RIPPLY2: variants seen among roughly 807,000 people sequenced by gnomAD.
RIPPLY2 encodes the protein protein ripply2.
In RIPPLY2, 20 loss-of-function variants were observed where a neutral mutation model predicts 17.7. That is an observed-to-expected ratio of 1.13 (90% confidence interval 0.79 to 1.64). The LOEUF is 1.64. Among genes scored for constraint, RIPPLY2 ranks in the 40% most tolerant of loss-of-function variants. RIPPLY2 has a pLI of 0.00. For synonymous variants in RIPPLY2, 69 were observed against 63.9 expected, an observed-to-expected ratio of 1.08 and a Z score of -0.38; for missense variants, 213 against 169.8, an observed-to-expected ratio of 1.25 and a Z score of -1.41.
intron 1 of RIPPLY2, 87 bp downstream of exon 1, chr6:83,853,598 A>G: frequency 6.5e-7 from 1 of 1,545,306 alleles, no homozygotes; most frequent in Non-Finnish European, 8.7e-7. Flanking sequence ...CCAACTCTCC[A>G]TCCCCCACTG....
chr6:83,853,573 C>CCCAGCTCCTCCCCTCCAACTCT (rs1403423828), intron 1 of RIPPLY2, 62 bp downstream of exon 1: 2 of 1,531,596 alleles, frequency 1.3e-6, no homozygotes, highest in African/African-American at 2.8e-5. Context: ...CCTGCGCCTC[C>CCCAGCTCCTCCCCTCCAACTCT]CCAGCTCCTC....
intron 3 of RIPPLY2, chr6:83,856,704 T>C (rs1054868960): frequency 6.6e-6 from 1 of 152,164 alleles, no homozygotes; most frequent in African/African-American, 2.4e-5. Flanking sequence ...AATTTTAAAA[T>C]ACTGGTTTTT....
chr6:83,857,321 G>A lies in RIPPLY2; in HGVS notation c.319G>A (p.Ala107Thr), dbSNP rs1468771519. 4.4e-6 allele frequency: 7 copies of A among 1,581,296 alleles called. No individual in the cohort carries two copies. The highest frequency in any genetic ancestry group is 3.8e-5 in the Admixed American group (2 of 52,416). ...TCTTCTGAAAAATTTTCCAATTCAAGCCACAATTTCATTTTATGAAGATTC... is the reference window on the plus strand; with the variant it reads ...TCTTCTGAAAAATTTTCCAATTCAAACCACAATTTCATTTTATGAAGATTC... ...EALLKNFPIQ[A>T]TISFYEDSDS... Residue 107 changes from alanine (A) to threonine (T), a missense_variant, in exon 4 of 4, where the codon GCC (alanine) becomes ACC (threonine). Transcript: ENST00000369689.
At chr6:83,854,043 C>T in intron 2 of RIPPLY2, 54 bp from the exon 3 acceptor site, 2 of 1,526,528 alleles carry the variant, frequency 1.3e-6, no homozygotes, top group Non-Finnish European at 1.8e-6. Flanking sequence ...GTGCACGTTT[C>T]CACTTTCTAG....
At chr6:83,853,643 C>T (rs952061195) in intron 1 of RIPPLY2, 52 bp from the exon 2 acceptor site, 9 of 1,584,610 alleles carry the variant, frequency 5.7e-6, no homozygotes, top group African/African-American at 5.4e-5. Flanking sequence ...TGGATTCTCC[C>T]GGGTCTGGGC....
At chr6:83,853,323 CGAGGGCTAT>C, upstream of RIPPLY2, 1 of 970,758 alleles carries the variant, frequency 1.0e-6, no homozygotes, top group Non-Finnish European at 1.5e-6. Flanking sequence ...CAGCAGGCCG[CGAGGGCTAT>C]ATAAAGCTCG....
Position 83,853,740 on chromosome 6 carries a change from A to G in RIPPLY2, c.141A>G (p.Lys47=), listed in dbSNP as rs1007595079. 10 of 1,613,510 alleles carry G rather than the reference A, an allele frequency of 6.2e-6. No individual in the cohort carries two copies. Among genetic ancestry groups the G allele is most frequent in the Non-Finnish European group, 8.5e-6 (10 of 1,179,928 alleles). Residue 47 remains lysine, a synonymous_variant, in exon 2 of 4, where the codon AAA becomes AAG. Transcript: ENST00000369689. ...WRPWVDAGGK[K]EEETPNHAAE... ...CCTGGGTGGACGCCGGAGGCAAGAA[A>G]GAAGAGGAGACGCCGAACCACGCCG...
Position 83,853,525 on chromosome 6 carries a change from C to T in RIPPLY2, c.95+14C>T. ...CGCGGACTCCGGGTAGGCTTCCCCG[C>T]GCTGCTCTGCGCCTCCCAGCTTCCC... On this transcript the variant is annotated intron_variant, in intron 1 of 3. Transcript: ENST00000369689. The T allele has an allele frequency of 6.5e-7, 1 of 1,534,552 alleles. No individual in the cohort carries two copies. Among genetic ancestry groups the T allele is most frequent in the Non-Finnish European group, 8.7e-7 (1 of 1,144,638 alleles).
At chr6:83,854,718 T>C (rs2099454741) in intron 3 of RIPPLY2, 1 of 153,642 alleles carries the variant, frequency 6.5e-6, no homozygotes, top group Non-Finnish European at 1.4e-5. Context: ...TTATCTAAGA[T>C]TCTGTGTCAC....
intron 3 of RIPPLY2, 114 bp from the exon 4 acceptor site, chr6:83,857,128 T>C: frequency 1.7e-6 from 1 of 600,574 alleles, no homozygotes; most frequent in Non-Finnish European, 2.7e-6. Context: ...CTTAAGGCTA[T>C]ATCCAAATGT....
In RIPPLY2 at chr6:83,857,229, C is replaced by G. The variant is rs1197999590; in HGVS notation, c.240-13C>G. ...AATGTGAAAAAATAAAACATGTTGT[C>G]TGCTTCTTTCAGACTATTTTGGCCA... On this transcript the variant is annotated splice_polypyrimidine_tract_variant and intron_variant, in intron 3 of 3. Coordinates refer to ENST00000369689, the MANE Select transcript of RIPPLY2 (RefSeq NM_001009994.3). 6.8e-7 allele frequency: 1 copy of G among 1,462,286 alleles called. No individual in the cohort carries two copies. Among genetic ancestry groups the G allele is most frequent in the Non-Finnish European group, 9.1e-7 (1 of 1,103,108 alleles). 90.6% of individuals were successfully genotyped at this position (1,462,286 alleles called of 1,614,324 possible). A position where few individuals can be genotyped will look rare whatever the true frequency, so the allele number is the denominator to read the frequency against.
chr6:83,855,087 G>T (rs967582502), intron 3 of RIPPLY2: 1 of 152,332 alleles, frequency 6.6e-6, no homozygotes, highest in Admixed American at 6.5e-5. Flanking sequence ...GGGAGCAAAA[G>T]AAATAGCATT....
Position 83,857,474 on chromosome 6 carries a change from T to A in RIPPLY2, c.*85T>A. 4 of 779,202 alleles carry A rather than the reference T, an allele frequency of 5.1e-6. No homozygotes were observed. The highest frequency in any genetic ancestry group is 7.3e-6 in the Non-Finnish European group (4 of 551,714). The allele number at this position is 779,202 out of a possible 1,614,324, so 48.3% of individuals were successfully genotyped here. On this transcript the variant is annotated 3_prime_UTR_variant, in exon 4 of 4. Coordinates refer to ENST00000369689, the MANE Select transcript of RIPPLY2 (RefSeq NM_001009994.3). ...TGTATCATAATTATTTTAAACTAAT[T>A]TATTTGTATATAAATTATTAATAAA...
chr6:83,853,577 G>A, intron 1 of RIPPLY2, 66 bp downstream of exon 1: 3 of 1,533,124 alleles, frequency 2.0e-6, no homozygotes, highest in Non-Finnish European at 2.6e-6. Flanking sequence ...CGCCTCCCCA[G>A]CTCCTCCCCT....
rs370933531 is a variant in RIPPLY2 at position 83,857,238 on chromosome 6, T to G, written c.240-4T>G. 1,639 of 1,483,028 alleles carry G rather than the reference T, an allele frequency of 1.1e-3. 3 individuals are homozygous for G. The highest frequency in any genetic ancestry group is 1.4e-3 in the Non-Finnish European group (1,544 of 1,115,282). 91.9% of individuals were successfully genotyped at this position (1,483,028 alleles called of 1,614,324 possible). ...AAATAAAACATGTTGTCTGCTTCTT[T>G]CAGACTATTTTGGCCAAAATCAAAA... On this transcript the variant is annotated splice_polypyrimidine_tract_variant and splice_region_variant and intron_variant, in intron 3 of 3. Coordinates refer to ENST00000369689, the MANE Select transcript of RIPPLY2 (RefSeq NM_001009994.3).
chr6:83,854,645 G>C (rs1020170309), intron 3 of RIPPLY2: 1 of 156,646 alleles, frequency 6.4e-6, no homozygotes, highest in African/African-American at 2.4e-5. Flanking sequence ...GTTATAGAAA[G>C]GGTCAAAAGT....
Position 83,853,713 on chromosome 6 carries a change from A to C in RIPPLY2, c.114A>C (p.Arg38Ser). 1 of 1,613,528 alleles carries C rather than the reference A, an allele frequency of 6.2e-7. No homozygotes were observed. The highest frequency in any genetic ancestry group is 8.5e-7 in the Non-Finnish European group (1 of 1,179,884). ...GADSGYAGFW[R>S]PWVDAGGKKE... is the part of the protein sequence containing the mutation. ...CCCGCAGATACGCAGGCTTCTGGAGACCCTGGGTGGACGCCGGAGGCAAGA... is the reference window on the plus strand; with the variant it reads ...CCCGCAGATACGCAGGCTTCTGGAGCCCCTGGGTGGACGCCGGAGGCAAGA... Residue 38 changes from arginine (R) to serine (S), a missense_variant, in exon 2 of 4, where the codon AGA (arginine) becomes AGC (serine). Physicochemically the swap from Arg to Ser is moderately radical, Grantham distance 110. Coordinates refer to ENST00000369689, the MANE Select transcript of RIPPLY2 (RefSeq NM_001009994.3).
intron 2 of RIPPLY2, 122 bp from the exon 3 acceptor site, chr6:83,853,975 G>A (rs2099454609): frequency 1.8e-6 from 2 of 1,104,434 alleles, no homozygotes; most frequent in East Asian, 2.4e-5. Context: ...CCAGCCGGGA[G>A]CGAGGCTGCT....
chr6:83,856,248 CTTGT>C (rs925377190), intron 3 of RIPPLY2: 12 of 152,306 alleles, frequency 7.9e-5, no homozygotes, highest in Non-Finnish European at 1.8e-4. Flanking sequence ...TTGATAGTTA[CTTGT>C]TTAAGCATCA....
Sources: gnomAD v4.1 joint callset for allele counts on GRCh38, gnomAD v4.1.1 for gene constraint, MANE v1.5 for transcripts, NCBI Gene and HGNC (gene_info 2026-07-23, HGNC 2026-07-21) for gene names.